Variants in ATP2B4 observed in about 807,000 individuals in gnomAD.
The protein encoded by ATP2B4 is ATPase plasma membrane Ca2+ transporting 4.
In ATP2B4, 39 loss-of-function variants were observed where a neutral mutation model predicts 110.3. The ratio of observed to expected loss-of-function variants is 0.35; its 90% CI spans 0.27 to 0.46. The LOEUF is 0.46. Ranked by LOEUF, ATP2B4 falls within the 20% of genes least tolerant of loss-of-function variation. The probability of loss-of-function intolerance (pLI) is 1.00; values close to 1 mark genes in which losing one functional copy is unlikely to be tolerated. For missense variants in ATP2B4, 1,135 were observed against 1,530.9 expected, an observed-to-expected ratio of 0.74 and a Z score of 4.32; for synonymous variants, 538 against 571.7, an observed-to-expected ratio of 0.94 and a Z score of 0.84.
intron 20 of ATP2B4, among the ~76,000 whole-genome samples, chr1:203,728,656 A>G (rs1330095615): frequency 6.6e-6 from 1 of 151,068 alleles, no homozygotes; most frequent in Non-Finnish European, 1.5e-5. Context: ...TCGGGAGTTC[A>G]AGACCAGCCT....
chr1:203,672,336 TTTTTTTTTTTTTTTTTTTTTA>T (rs1664694110), intron 1 of ATP2B4, among the ~76,000 whole-genome samples: 1 of 61,466 alleles, frequency 1.6e-5, no homozygotes, highest in Non-Finnish European at 5.2e-5. Flanking sequence ...TTTTTTTTTT[TTTTTTTTTTTTTTTTTTTTTA>T]AAGCTGATTT....
chr1:203,708,154 C>T, intron 10 of ATP2B4, 50 bp downstream of exon 10: 1 of 1,605,542 alleles, frequency 6.2e-7, no homozygotes, highest in African/African-American at 1.3e-5. Context: ...TGGAAGGGAA[C>T]ATCCATTTTC....
chr1:203,723,645 T>C (rs540360805), intron 18 of ATP2B4, among the ~76,000 whole-genome samples: 33 of 152,190 alleles, frequency 2.2e-4, no homozygotes, highest in African/African-American at 7.5e-4. Context: ...CTCCAGATTG[T>C]CTGTTAATCA....
intron 1 of ATP2B4, among the ~76,000 whole-genome samples, chr1:203,636,380 GA>G (rs1226111543): frequency 6.6e-6 from 1 of 152,162 alleles, no homozygotes; most frequent in African/African-American, 2.4e-5. Context: ...GAGTTTCCAG[GA>G]TGGCTTCTCT....
Position 203,743,405 on chromosome 1 carries a change from G to A in ATP2B4, c.*3551G>A, listed in dbSNP as rs529334571. ...CCATTCCAGCCTCTTCCTCTGAATA[G>A]ACCAGACGCCCTTTCACTTAGTTCA... On this transcript the variant is annotated 3_prime_UTR_variant, in exon 21 of 21. Coordinates refer to ENST00000357681, the MANE Select transcript of ATP2B4 (RefSeq NM_001684.5). 7 of 152,754 alleles carry A rather than the reference G, an allele frequency of 4.6e-5. No individual in the cohort carries two copies. The highest frequency in any genetic ancestry group is 8.8e-5 in the Non-Finnish European group (6 of 68,056). The allele number at this position is 152,754 out of a possible 1,614,324, so 9.5% of individuals were successfully genotyped here.
intron 1 of ATP2B4, among the ~76,000 whole-genome samples, chr1:203,667,714 C>T (rs1400234497): frequency 6.6e-6 from 1 of 152,214 alleles, no homozygotes; most frequent in Non-Finnish European, 1.5e-5. Context: ...CGTGGGACTT[C>T]CCCCGCATGA....
At position 203,709,409 on chromosome 1, in the gene ATP2B4, G is replaced by C. The variant is rs1665940199; in HGVS notation, c.1666G>C (p.Glu556Gln). Reference sequence around the variant, plus strand: ...GCAGGATTATCAGGCTGTGCGTAATGAAGTGCCCGAGGAGAAGCTCTACAA... The same window carrying C: ...GCAGGATTATCAGGCTGTGCGTAATCAAGTGCCCGAGGAGAAGCTCTACAA... ...LKQDYQAVRN[E>Q]VPEEKLYKVY... Residue 556 changes from glutamate (E) to glutamine (Q), a missense_variant, in exon 11 of 21, where the codon GAA becomes CAA. Around this residue, in one of 9 missense-constraint regions of ATP2B4, gnomAD observed 368 missense variants for 455.9 expected, o/e 0.81. Transcript: ENST00000357681. 1 of 1,614,098 alleles carries C rather than the reference G, an allele frequency of 6.2e-7. No homozygotes were observed. The highest frequency in any genetic ancestry group is 1.3e-5 in the African/African-American group (1 of 74,934).
chr1:203,667,778 C>T (rs10900564), intron 1 of ATP2B4, among the ~76,000 whole-genome samples: 120,044 of 152,184 alleles, frequency 0.79, 49,407 homozygotes, highest in Middle Eastern at 0.9. Context: ...AAGACAGCAG[C>T]CTGGCGTGTC....
chr1:203,711,012 C>T lies in ATP2B4; in HGVS notation c.1935C>T (p.Phe645=), dbSNP rs181836521. The change falls in exon 12 of 21, where the codon TTC becomes TTT. Residue 645 remains phenylalanine, a synonymous_variant. Coordinates refer to ENST00000357681, the MANE Select transcript of ATP2B4 (RefSeq NM_001684.5). ...CTATCTGCATAGCTTACCGGGACTT[C>T]GATGACACAGAGCCCTCTTGGGACA... is the stretch of plus-strand genomic sequence containing the variant. ...LRTICIAYRD[F]DDTEPSWDNE... 2.4e-5 allele frequency: 38 copies of T among 1,614,012 alleles called. No individual in the cohort carries two copies. The East Asian group carries it at 2.9e-4, about 12-fold the overall frequency.
At chr1:203,724,117 A>AC in intron 19 of ATP2B4, 129 bp downstream of exon 19, 1 of 682,370 alleles carries the variant, frequency 1.5e-6, no homozygotes, top group Non-Finnish European at 2.3e-6. Flanking sequence ...TTCCCTCCCC[A>AC]CCCCCACTCA....
At chr1:203,628,503 C>T (rs1663158359) in intron 1 of ATP2B4, among the ~76,000 whole-genome samples, 1 of 152,112 alleles carries the variant, frequency 6.6e-6, no homozygotes, top group Non-Finnish European at 1.5e-5. Flanking sequence ...AGAAATAGGC[C>T]GGTACTCAAC....
chr1:203,712,667 G>A (rs532613880), intron 13 of ATP2B4, among the ~76,000 whole-genome samples: 6 of 151,556 alleles, frequency 4.0e-5, no homozygotes, highest in African/African-American at 1.5e-4. Flanking sequence ...TATCTTTTGA[G>A]ACAGTGTCAC....
chr1:203,727,879 T>G, intron 20 of ATP2B4: 1 of 386,152 alleles, frequency 2.6e-6, no homozygotes, highest in Non-Finnish European at 4.8e-6. Context: ...TAAGGTCTCT[T>G]GCAAGCACTA....
intron 19 of ATP2B4, 125 bp downstream of exon 19, chr1:203,724,113 C>T (rs2102220164): frequency 4.2e-6 from 3 of 714,022 alleles, no homozygotes; most frequent in Non-Finnish European, 4.4e-6. Flanking sequence ...CCTCTTCCCT[C>T]CCCACCCCCA....
At chr1:203,647,315 A>G (rs1663830114) in intron 1 of ATP2B4, among the ~76,000 whole-genome samples, 1 of 152,168 alleles carries the variant, frequency 6.6e-6, no homozygotes, top group South Asian at 2.1e-4. Context: ...GCACACCTGT[A>G]GTCCCAGCTA....
intron 1 of ATP2B4, among the ~76,000 whole-genome samples, chr1:203,630,647 A>T (rs1030350999): frequency 6.6e-6 from 1 of 152,182 alleles, no homozygotes; most frequent in Non-Finnish European, 1.5e-5. Context: ...AGGATTCTTC[A>T]GGCAATCTGA....
intron 1 of ATP2B4, among the ~76,000 whole-genome samples, chr1:203,680,060 C>CA (rs71145014): frequency 4.5e-4 from 54 of 120,604 alleles, no homozygotes; most frequent in African/African-American, 1.2e-3. Flanking sequence ...GACTCTTTCT[C>CA]AAAAAAAAAA....
chr1:203,698,114 C>CT (rs1558038774), intron 2 of ATP2B4, 43 bp from the exon 3 acceptor site: 1 of 1,594,332 alleles, frequency 6.3e-7, no homozygotes, highest in Admixed American at 1.7e-5. Context: ...TATCATTTTC[C>CT]TTTTTTCCTA....
chr1:203,666,356 A>G (rs1664503191), intron 1 of ATP2B4, among the ~76,000 whole-genome samples: 1 of 152,152 alleles, frequency 6.6e-6, no homozygotes, highest in South Asian at 2.1e-4. Context: ...ATGAGAGTTG[A>G]AAGGGTCCTG....
Sources: allele counts gnomAD v4.1 joint callset (sites outside exome capture counted in the v4.1 genomes callset), GRCh38; gene constraint gnomAD v4.1.1; regional missense constraint gnomAD v4.1.1; transcripts MANE v1.5; gene names NCBI Gene and HGNC (gene_info 2026-07-23, HGNC 2026-07-21).